The following BNC2 variants were observed in gnomAD, a reference collection of about 807,000 sequenced individuals.
BNC2 encodes the protein zinc finger protein basonuclin-2.
A neutral mutation model predicts 76.3 loss-of-function variants in BNC2; 20 were observed. The observed-to-expected ratio is 0.26, with a 90% CI of 0.18 to 0.38. The LOEUF (loss-of-function observed/expected upper bound fraction) is 0.38. Among genes scored for constraint, BNC2 ranks in the 10% least tolerant of loss-of-function variants. BNC2 has a pLI of 1.00. For missense variants in BNC2, 1,382 were observed against 1,399.8 expected, an observed-to-expected ratio of 0.99 and a Z score of 0.20; for synonymous variants, 582 against 514.8, an observed-to-expected ratio of 1.13 and a Z score of -1.77.
At chr9:16,717,370 T>A (rs1010755608) in intron 3 of BNC2, among the ~76,000 whole-genome samples, 2 of 152,206 alleles carry the variant, frequency 1.3e-5, no homozygotes, top group African/African-American at 4.8e-5. Flanking sequence ...ATTTCTCAAC[T>A]AATTACTGAG....
intron 3 of BNC2, chr9:16,699,299 G>A (rs565740298): frequency 4.5e-6 from 2 of 440,574 alleles, no homozygotes; most frequent in African/African-American, 4.1e-5. Flanking sequence ...CAGGCCAACA[G>A]AATAGTCCCT....
At chr9:16,787,327 G>A (rs1826323028) in intron 1 of BNC2, among the ~76,000 whole-genome samples, 1 of 152,128 alleles carries the variant, frequency 6.6e-6, no homozygotes, top group Non-Finnish European at 1.5e-5. Flanking sequence ...TGAAGAACGG[G>A]GAAACAAAAT....
chr9:16,549,474 G>C (rs534340202), intron 5 of BNC2, among the ~76,000 whole-genome samples: 57 of 152,222 alleles, frequency 3.7e-4, no homozygotes, highest in Non-Finnish European at 7.1e-4. Context: ...GTTTTAGCCA[G>C]ATAAAATGAC....
At chr9:16,555,358 T>C (rs1818795332) in intron 4 of BNC2, among the ~76,000 whole-genome samples, 1 of 151,658 alleles carries the variant, frequency 6.6e-6, no homozygotes. Context: ...AGCACTAAAC[T>C]GTTAAGGGTA....
rs565662473 is a variant in BNC2, at chr9:16,737,444, G to A, written c.129+916C>T. Among the ~76,000 whole-genome samples, 18 of 150,858 alleles carry A rather than the reference G, an allele frequency of 1.2e-4. No homozygotes were observed. In the South Asian group the frequency reaches 3.6e-3, roughly 30 times the overall value. ...TTTTTGTATTTTTAGTAGAGACGAGGTTTCACCATGTTAGCCAGAATGATC... is the reference window on the plus strand; with the variant it reads ...TTTTTGTATTTTTAGTAGAGACGAGATTTCACCATGTTAGCCAGAATGATC... On this transcript the variant is annotated intron_variant, in intron 2 of 6. Coordinates refer to ENST00000380672, the MANE Select transcript of BNC2 (RefSeq NM_017637.6).
intron 3 of BNC2, among the ~76,000 whole-genome samples, chr9:16,725,459 A>C (rs1172309928): frequency 6.6e-6 from 1 of 152,142 alleles, no homozygotes; most frequent in Admixed American, 6.5e-5. Flanking sequence ...ACATTCAGTG[A>C]CCATGACAGA....
chr9:16,565,773 A>C (rs546120098), intron 4 of BNC2, among the ~76,000 whole-genome samples: 1 of 151,688 alleles, frequency 6.6e-6, no homozygotes, highest in South Asian at 2.1e-4. Context: ...GCGCCACTGC[A>C]CTCCAGCCTA....
chr9:16,854,666 G>A (rs1819209320), intron 1 of BNC2, among the ~76,000 whole-genome samples: 1 of 151,962 alleles, frequency 6.6e-6, no homozygotes, highest in Non-Finnish European at 1.5e-5. Flanking sequence ...AGTGAAATGA[G>A]ACTGCCATCT....
intron 3 of BNC2, among the ~76,000 whole-genome samples, chr9:16,668,750 G>A (rs1028930660): frequency 6.6e-6 from 1 of 152,236 alleles, no homozygotes; most frequent in Admixed American, 6.5e-5. Flanking sequence ...CCTAGGGTAA[G>A]TGTGTAATCT....
intron 1 of BNC2, among the ~76,000 whole-genome samples, chr9:16,782,861 A>C (rs1826192173): frequency 6.6e-6 from 1 of 152,246 alleles, no homozygotes; most frequent in Non-Finnish European, 1.5e-5. Context: ...ATTTTTGGAA[A>C]AAGTGAATGT....
intron 5 of BNC2, among the ~76,000 whole-genome samples, chr9:16,526,900 A>G (rs1817821976): frequency 6.6e-6 from 1 of 152,240 alleles, no homozygotes; most frequent in South Asian, 2.1e-4. Flanking sequence ...GTAGAGCATA[A>G]TAAGAAATAA....
chr9:16,644,587 T>A (rs117463836), intron 3 of BNC2, among the ~76,000 whole-genome samples: 416 of 152,314 alleles, frequency 2.7e-3, no homozygotes, highest in Non-Finnish European at 4.7e-3. Flanking sequence ...TAAGCTTATG[T>A]ATTGTGTTTA....
intron 1 of BNC2, among the ~76,000 whole-genome samples, chr9:16,746,548 G>C (rs748701597): frequency 2.0e-4 from 31 of 151,626 alleles, no homozygotes; most frequent in Non-Finnish European, 4.1e-4. Flanking sequence ...ATTTTTAGTA[G>C]AGACAGGGTT....
chr9:16,811,899 A>G (rs560120838), intron 1 of BNC2, among the ~76,000 whole-genome samples: 5 of 152,320 alleles, frequency 3.3e-5, no homozygotes, highest in Admixed American at 2.0e-4. Context: ...TCAAACAGAA[A>G]TCTACCTTGA....
At chr9:16,807,557 G>T (rs914939041) in intron 1 of BNC2, among the ~76,000 whole-genome samples, 3 of 152,138 alleles carry the variant, frequency 2.0e-5, no homozygotes, top group Admixed American at 2.0e-4. Flanking sequence ...GGAGGTGGAG[G>T]GAGGGGAGGT....
chr9:16,775,689 G>A (rs1007707047), intron 1 of BNC2: 4 of 219,696 alleles, frequency 1.8e-5, no homozygotes, highest in African/African-American at 7.0e-5. Context: ...TGGTCTTCTA[G>A]GATTTCTTCA....
chr9:16,444,271 A>G (rs182458318), intron 5 of BNC2, among the ~76,000 whole-genome samples: 1 of 152,292 alleles, frequency 6.6e-6, no homozygotes, highest in African/African-American at 2.4e-5. Context: ...ACAGCTTTAC[A>G]TATATATAAA....
chr9:16,747,468 C>T (rs748563188), intron 1 of BNC2, among the ~76,000 whole-genome samples: 2 of 152,154 alleles, frequency 1.3e-5, no homozygotes, highest in Non-Finnish European at 2.9e-5. Context: ...AGGTACTATG[C>T]AAAACATAAA....
chr9:16,745,602 C>G lies in BNC2; in HGVS notation c.4-7117G>C, dbSNP rs527850261. 3.5e-4 allele frequency among the ~76,000 whole-genome samples: 54 copies of G among 152,252 alleles called. No individual in the cohort carries two copies. The South Asian group carries it at 0.011, about 30-fold the overall frequency. ...GCCATCTAAGTTCATGATGCCTGGCCTACAAGCATCCATTAGCATATATGG... is the reference window on the plus strand; with the variant it reads ...GCCATCTAAGTTCATGATGCCTGGCGTACAAGCATCCATTAGCATATATGG... On this transcript the variant is annotated intron_variant, in intron 1 of 6. Coordinates refer to ENST00000380672, the MANE Select transcript of BNC2 (RefSeq NM_017637.6).
Sources: allele counts gnomAD v4.1 joint callset (sites outside exome capture counted in the v4.1 genomes callset), GRCh38; gene constraint gnomAD v4.1.1; transcripts MANE v1.5; gene names NCBI Gene and HGNC (gene_info 2026-07-23, HGNC 2026-07-21).